The following EXOC4 variants were observed in gnomAD, a reference collection of about 807,000 sequenced individuals.
EXOC4 encodes SEC8-like 1.
A neutral mutation model predicts 107.2 loss-of-function variants in EXOC4; 71 were observed. That is an observed-to-expected ratio of 0.66 (90% CI 0.55 to 0.81). The LOEUF (loss-of-function observed/expected upper bound fraction) is 0.81, where lower values mean the gene tolerates loss of function less well. Ranked by LOEUF, EXOC4 falls within the 30% of genes least tolerant of loss-of-function variation. The pLI is 0.00. For missense variants in EXOC4, 1,108 were observed against 1,189.6 expected, an observed-to-expected ratio of 0.93 and a Z score of 1.01; for synonymous variants, 456 against 441.2, an observed-to-expected ratio of 1.03 and a Z score of -0.42.
intron 6 of EXOC4, among the ~76,000 whole-genome samples, chr7:133,365,574 A>G (rs1316229801): frequency 6.6e-6 from 1 of 152,192 alleles, no homozygotes; most frequent in African/African-American, 2.4e-5. Context: ...GTTTCATTCT[A>G]TATTACTACT....
chr7:133,650,028 T>C (rs7803042), intron 10 of EXOC4, among the ~76,000 whole-genome samples: 1,630 of 152,316 alleles, frequency 0.011, 19 homozygotes, highest in African/African-American at 0.037. Flanking sequence ...TTTATCCTTT[T>C]ATAAATATAC....
At chr7:133,597,413 G>C (rs1035534975) in intron 9 of EXOC4, among the ~76,000 whole-genome samples, 26 of 152,046 alleles carry the variant, frequency 1.7e-4, no homozygotes, top group African/African-American at 6.3e-4. Flanking sequence ...AATAAGCCAG[G>C]CATGGTGGCA....
At position 133,853,622 on chromosome 7, in the gene EXOC4, A is replaced by G. The variant is rs1369300973; in HGVS notation, c.1734+36078A>G. Among the ~76,000 whole-genome samples the G allele has an allele frequency of 2.6e-5, 4 of 152,258 alleles. No homozygotes were observed. The East Asian group carries it at 7.7e-4, about 29-fold the overall frequency. ...AAAGAAAATCTTTCTTTGCCCTAAT[A>G]TCTAAGTAGCTTAGGCACACCTGAG... On this transcript the variant is annotated intron_variant, in intron 11 of 17. Coordinates refer to ENST00000253861, the MANE Select transcript of EXOC4 (RefSeq NM_021807.4).
chr7:133,256,321 T>G (rs924567795), intron 1 of EXOC4, among the ~76,000 whole-genome samples: 1 of 152,216 alleles, frequency 6.6e-6, no homozygotes, highest in African/African-American at 2.4e-5. Flanking sequence ...AAACTTTGAT[T>G]ATCTCCTCCT....
chr7:133,857,085 A>G (rs1798391532), intron 11 of EXOC4, among the ~76,000 whole-genome samples: 1 of 131,852 alleles, frequency 7.6e-6, no homozygotes, highest in African/African-American at 2.9e-5. Flanking sequence ...CAACAGAGAG[A>G]GACTCCGTCT....
intron 10 of EXOC4, among the ~76,000 whole-genome samples, chr7:133,717,660 G>A (rs1795025550): frequency 6.6e-6 from 1 of 152,194 alleles, no homozygotes; most frequent in Non-Finnish European, 1.5e-5. Flanking sequence ...GTCATGTGAA[G>A]GATAGAATAT....
chr7:133,566,834 T>C (rs1800915423), intron 9 of EXOC4, among the ~76,000 whole-genome samples: 1 of 152,218 alleles, frequency 6.6e-6, no homozygotes, highest in Non-Finnish European at 1.5e-5. Flanking sequence ...TTTATGGTTA[T>C]GTGTAGACAA....
chr7:133,306,230 G>A (rs1042945081), intron 4 of EXOC4, among the ~76,000 whole-genome samples, 169 bp downstream of exon 4: 1 of 152,178 alleles, frequency 6.6e-6, no homozygotes, highest in African/African-American at 2.4e-5. Context: ...CTGAGAGGCT[G>A]ACATTTGAAG....
At chr7:133,711,770 T>A (rs574844418) in intron 10 of EXOC4, among the ~76,000 whole-genome samples, 55 of 152,304 alleles carry the variant, frequency 3.6e-4, no homozygotes, top group African/African-American at 1.3e-3. Flanking sequence ...GGAGAGAGGG[T>A]TCATTTCATA....
At chr7:133,925,017 A>G (rs531468614) in intron 13 of EXOC4, among the ~76,000 whole-genome samples, 1 of 152,368 alleles carries the variant, frequency 6.6e-6, no homozygotes, top group East Asian at 1.9e-4. Flanking sequence ...CTCTTCATTG[A>G]TATTCCAATG....
At chr7:133,308,967 T>G (rs1450945728) in intron 4 of EXOC4, among the ~76,000 whole-genome samples, 1 of 152,176 alleles carries the variant, frequency 6.6e-6, no homozygotes, top group Non-Finnish European at 1.5e-5. Context: ...TTTTGCAAGC[T>G]GTTGAATGGG....
intron 14 of EXOC4, among the ~76,000 whole-genome samples, chr7:133,973,080 A>G (rs1295668316): frequency 6.6e-6 from 1 of 152,194 alleles, no homozygotes; most frequent in Non-Finnish European, 1.5e-5. Context: ...GTATTTGTGG[A>G]TAGTTCAGTT....
chr7:133,468,924 T>C (rs1798801173), intron 7 of EXOC4, among the ~76,000 whole-genome samples: 1 of 152,164 alleles, frequency 6.6e-6, no homozygotes, highest in African/African-American at 2.4e-5. Flanking sequence ...AGCAAGTTAT[T>C]GAAAATTCCA....
intron 7 of EXOC4, among the ~76,000 whole-genome samples, chr7:133,469,967 G>A: frequency 6.6e-6 from 1 of 152,178 alleles, no homozygotes; most frequent in Middle Eastern, 3.2e-3. Flanking sequence ...TGGCTAATTA[G>A]GGGTTGGTTG....
chr7:134,046,479 A>C (rs1190357291), intron 17 of EXOC4, among the ~76,000 whole-genome samples: 1 of 151,850 alleles, frequency 6.6e-6, no homozygotes, highest in African/African-American at 2.4e-5. Context: ...TAAAAAAAAA[A>C]ACAAAAAAAG....
intron 5 of EXOC4, among the ~76,000 whole-genome samples, chr7:133,323,246 A>G (rs1357474551): frequency 1.3e-5 from 2 of 152,122 alleles, no homozygotes; most frequent in African/African-American, 4.8e-5. Context: ...TTCCAATAGT[A>G]TGTTGAATAG....
intron 2 of EXOC4, among the ~76,000 whole-genome samples, chr7:133,287,943 T>C (rs1027833224): frequency 2.0e-5 from 3 of 152,178 alleles, no homozygotes; most frequent in African/African-American, 7.2e-5. Context: ...TCCCATGTAT[T>C]GATGAAGGTT....
At chr7:133,553,847 G>A (rs12536963) in intron 9 of EXOC4, among the ~76,000 whole-genome samples, 17 of 151,986 alleles carry the variant, frequency 1.1e-4, no homozygotes, top group African/African-American at 4.1e-4. Flanking sequence ...TATCGCTCAC[G>A]TAACATGTCA....
chr7:133,429,981 G>A (rs988351277), intron 7 of EXOC4, among the ~76,000 whole-genome samples: 2 of 152,130 alleles, frequency 1.3e-5, no homozygotes, highest in African/African-American at 4.8e-5. Context: ...GTCTAGGGGT[G>A]TGTTAAAATT....
Sources: allele counts gnomAD v4.1 joint callset (sites outside exome capture counted in the v4.1 genomes callset), GRCh38; gene constraint gnomAD v4.1.1; transcripts MANE v1.5; gene names NCBI Gene and HGNC (gene_info 2026-07-23, HGNC 2026-07-21).